The following TRPM3 variants were observed in gnomAD, a reference collection of about 807,000 sequenced individuals.
TRPM3 encodes the protein transient receptor potential cation channel subfamily M member 3, also known as long transient receptor potential channel 3.
A neutral mutation model predicts 181.2 loss-of-function variants in TRPM3; 77 were observed. The ratio of observed to expected loss-of-function variants is 0.42; its 90% CI spans 0.35 to 0.51. The LOEUF (loss-of-function observed/expected upper bound fraction) is 0.51, where lower values mean the gene tolerates loss of function less well. TRPM3 is among the 20% of genes least tolerant of loss of function. TRPM3 has a pLI of 0.01. For missense variants in TRPM3, 1,759 were observed against 2,196.7 expected, an observed-to-expected ratio of 0.80 and a Z score of 3.98; for synonymous variants, 745 against 796.4, an observed-to-expected ratio of 0.94 and a Z score of 1.09.
At chr9:71,064,640 T>C (rs1051644411) in intron 1 of TRPM3, among the ~76,000 whole-genome samples, 1 of 151,822 alleles carries the variant, frequency 6.6e-6, no homozygotes, top group Non-Finnish European at 1.5e-5. Context: ...ATTATAAGAG[T>C]GGTTATTTAG....
chr9:70,673,772 CAAAAAAAATAA>C (rs2063430479), intron 9 of TRPM3, among the ~76,000 whole-genome samples: 1 of 150,684 alleles, frequency 6.6e-6, no homozygotes, highest in Non-Finnish European at 1.5e-5. Flanking sequence ...ACTGAAAATA[CAAAAAAAATAA>C]AAAATAAATA....
intron 1 of TRPM3, among the ~76,000 whole-genome samples, chr9:71,425,008 G>T (rs1234843142): frequency 6.6e-6 from 1 of 151,980 alleles, no homozygotes; most frequent in Non-Finnish European, 1.5e-5. Flanking sequence ...TCACCTTTCT[G>T]GACCTCTCTA....
chr9:70,696,783 A>G (rs1034306746), intron 8 of TRPM3, among the ~76,000 whole-genome samples: 1 of 152,182 alleles, frequency 6.6e-6, no homozygotes, highest in African/African-American at 2.4e-5. Flanking sequence ...ACAATGACAA[A>G]TAAAGAAGAA....
chr9:70,937,418 C>T (rs963724981), intron 1 of TRPM3, among the ~76,000 whole-genome samples: 1 of 152,140 alleles, frequency 6.6e-6, no homozygotes, highest in African/African-American at 2.4e-5. Context: ...TAAGATGCTA[C>T]ATTGGAAAGC....
chr9:71,104,748 CACATT>C (rs2069132087), intron 1 of TRPM3, among the ~76,000 whole-genome samples: 1 of 152,078 alleles, frequency 6.6e-6, no homozygotes, highest in African/African-American at 2.4e-5. Context: ...AATTTAACAT[CACATT>C]ACTCATTAGG....
chr9:71,067,030 T>G (rs2062014613), intron 1 of TRPM3, among the ~76,000 whole-genome samples: 3 of 152,144 alleles, frequency 2.0e-5, no homozygotes, highest in Non-Finnish European at 4.4e-5. Context: ...TTTCAACCCA[T>G]GAAGGCATTA....
chr9:70,686,881 A>G (rs1478255527), intron 8 of TRPM3, among the ~76,000 whole-genome samples: 1 of 131,644 alleles, frequency 7.6e-6, no homozygotes, highest in East Asian at 2.2e-4. Context: ...GCTGGAGTGC[A>G]TGATCTTGGC....
At chr9:71,082,882 T>C (rs765396423) in intron 1 of TRPM3, among the ~76,000 whole-genome samples, 3 of 152,052 alleles carry the variant, frequency 2.0e-5, no homozygotes, top group African/African-American at 4.8e-5. Context: ...TGTAAGAGAC[T>C]TTAGAATAGC....
intron 1 of TRPM3, among the ~76,000 whole-genome samples, chr9:71,306,381 G>A (rs2087322483): frequency 6.6e-6 from 1 of 152,016 alleles, no homozygotes; most frequent in African/African-American, 2.4e-5. Flanking sequence ...GTTGAATGAG[G>A]TGCTTTCCTA....
intron 8 of TRPM3, among the ~76,000 whole-genome samples, chr9:70,738,519 AG>A (rs1169033292): frequency 6.6e-6 from 1 of 152,208 alleles, no homozygotes; most frequent in Admixed American, 6.5e-5. Flanking sequence ...ATAGCATTAA[AG>A]CCTAGATCAA....
At chr9:71,016,524 A>G (rs532197979) in intron 1 of TRPM3, among the ~76,000 whole-genome samples, 1 of 152,120 alleles carries the variant, frequency 6.6e-6, no homozygotes, top group Non-Finnish European at 1.5e-5. Flanking sequence ...TTGTCCTTTT[A>G]TGACTGACTT....
At chr9:71,275,845 C>CTTTT (rs11453930) in intron 1 of TRPM3, among the ~76,000 whole-genome samples, 1 of 143,382 alleles carries the variant, frequency 7.0e-6, no homozygotes, top group Non-Finnish European at 1.5e-5. Context: ...AAAGAAGGAA[C>CTTTT]TTTTTTTTTT....
At chr9:70,966,374 C>A (rs182290503) in intron 1 of TRPM3, among the ~76,000 whole-genome samples, 3 of 152,134 alleles carry the variant, frequency 2.0e-5, no homozygotes, top group Admixed American at 2.0e-4. Context: ...ACCATTTGAC[C>A]AGCATTCCAT....
chr9:70,605,320 ACACAACTGTTG>A (rs1284110609), intron 19 of TRPM3, among the ~76,000 whole-genome samples: 2 of 152,268 alleles, frequency 1.3e-5, no homozygotes, highest in East Asian at 3.9e-4. Context: ...ACATTTGCAG[ACACAACTGTTG>A]CACAAAAGTC....
At chr9:71,257,866 G>A (rs960253375) in intron 1 of TRPM3, among the ~76,000 whole-genome samples, 3 of 152,256 alleles carry the variant, frequency 2.0e-5, no homozygotes, top group Admixed American at 2.0e-4. Context: ...TCATCTAGAA[G>A]TCTAATTTCT....
intron 1 of TRPM3, among the ~76,000 whole-genome samples, chr9:71,159,686 G>A (rs561943987): frequency 4.6e-5 from 7 of 152,150 alleles, no homozygotes; most frequent in South Asian, 2.1e-4. Flanking sequence ...CTAATGCAAC[G>A]TGGGTATATG....
chr9:71,126,325 TC>T (rs1252454634), upstream of TRPM3, among the ~76,000 whole-genome samples: 1 of 152,178 alleles, frequency 6.6e-6, no homozygotes, highest in African/African-American at 2.4e-5. Context: ...ATGTGGCGCT[TC>T]CTCAAAGACC....
At chr9:71,214,406 A>C (rs2079713129) in intron 1 of TRPM3, among the ~76,000 whole-genome samples, 1 of 152,226 alleles carries the variant, frequency 6.6e-6, no homozygotes, top group Non-Finnish European at 1.5e-5. Flanking sequence ...TATCTGCTTA[A>C]GAGTAATGAA....
At chr9:70,575,546 T>C (rs550958168) in intron 22 of TRPM3, among the ~76,000 whole-genome samples, 1 of 152,308 alleles carries the variant, frequency 6.6e-6, no homozygotes, top group East Asian at 1.9e-4. Context: ...ACTCTGACAC[T>C]GATGCACATT....
Sources: allele counts gnomAD v4.1 joint callset (sites outside exome capture counted in the v4.1 genomes callset), GRCh38; gene constraint gnomAD v4.1.1; transcripts MANE v1.5; gene names NCBI Gene and HGNC (gene_info 2026-07-23, HGNC 2026-07-21).